Variants in NR6A1 observed in about 807,000 individuals in gnomAD.
The protein encoded by NR6A1 is retinoic acid receptor-related testis-associated receptor.
Under a neutral mutation model 59.1 loss-of-function variants are expected in NR6A1, and 7 were observed. The ratio of observed to expected loss-of-function variants is 0.12; its 90% CI spans 0.07 to 0.22. The LOEUF is 0.22. Among genes scored for constraint, NR6A1 ranks in the 10% least tolerant of loss-of-function variants. NR6A1 has a pLI of 1.00. For synonymous variants in NR6A1, 243 were observed against 236.1 expected (o/e 1.03, Z -0.27); for missense variants, 468 against 611.6 (o/e 0.77, Z 2.48).
Position 124,522,428 on chromosome 9 carries a change from T to C in NR6A1, c.*277A>G. 1 of 266,222 alleles carries C rather than the reference T, an allele frequency of 3.8e-6. No homozygotes were observed. The highest frequency in any genetic ancestry group is 7.5e-6 in the Non-Finnish European group (1 of 133,780). The allele number at this position is 266,222 out of a possible 1,614,324, so 16.5% of individuals were successfully genotyped here. On this transcript the variant is annotated 3_prime_UTR_variant, in exon 10 of 10. Transcript: ENST00000487099. ...TGACAACACTGTAACATTAAACATC[T>C]TCACATTCTGTAAACTGTAAGAAAA...
chr9:124,711,261 G>A (rs1179098053), intron 2 of NR6A1, among the ~76,000 whole-genome samples: 1 of 148,794 alleles, frequency 6.7e-6, no homozygotes, highest in Non-Finnish European at 1.5e-5. Context: ...AGCCTGCCAG[G>A]TCACACTGTT....
At chr9:124,643,588 G>A (rs1450339201) in intron 2 of NR6A1, among the ~76,000 whole-genome samples, 4 of 147,880 alleles carry the variant, frequency 2.7e-5, no homozygotes, top group Admixed American at 6.8e-5. Context: ...GCAACAGAGC[G>A]AGACCCAATC....
At chr9:124,569,828 T>C (rs1834386577) in intron 2 of NR6A1, among the ~76,000 whole-genome samples, 1 of 152,228 alleles carries the variant, frequency 6.6e-6, no homozygotes, top group Non-Finnish European at 1.5e-5. Context: ...CACATACTAC[T>C]ATAAAATTCC....
chr9:124,531,574 C>T (rs1281468572), intron 7 of NR6A1, among the ~76,000 whole-genome samples: 4 of 152,098 alleles, frequency 2.6e-5, no homozygotes, highest in East Asian at 1.9e-4. Context: ...TCTAGCAGAG[C>T]GGTTACTGCT....
At chr9:124,755,522 G>C (rs928461296) in intron 1 of NR6A1, among the ~76,000 whole-genome samples, 1 of 151,960 alleles carries the variant, frequency 6.6e-6, no homozygotes, top group Non-Finnish European at 1.5e-5. Context: ...GACTCTTCAG[G>C]GATTTATCAC....
chr9:124,673,792 A>G (rs969364782), intron 2 of NR6A1, among the ~76,000 whole-genome samples: 1 of 152,194 alleles, frequency 6.6e-6, no homozygotes, highest in Non-Finnish European at 1.5e-5. Flanking sequence ...AAATTTCTCT[A>G]TTGTGAGCGC....
intron 2 of NR6A1, among the ~76,000 whole-genome samples, chr9:124,583,003 T>C (rs927276121): frequency 6.6e-6 from 1 of 152,196 alleles, no homozygotes; most frequent in Non-Finnish European, 1.5e-5. Flanking sequence ...TGTATGCTAA[T>C]TGTACAATGA....
chr9:124,628,183 A>T (rs1252583792), intron 2 of NR6A1, among the ~76,000 whole-genome samples: 1 of 151,914 alleles, frequency 6.6e-6, no homozygotes, highest in Non-Finnish European at 1.5e-5. Flanking sequence ...GCACGCCACC[A>T]CACCCAGGTA....
At chr9:124,550,220 A>G (rs2131376265) in intron 3 of NR6A1, among the ~76,000 whole-genome samples, 1 of 152,294 alleles carries the variant, frequency 6.6e-6, no homozygotes, top group Non-Finnish European at 1.5e-5. Context: ...GTCTGTCAGA[A>G]TTCTCTAAAT....
rs10986363 is a variant in NR6A1 at position 124,557,196 on chromosome 9, T to G, written c.143-2626A>C. Among the ~76,000 whole-genome samples the G allele has an allele frequency of 9.0e-4, 137 of 152,288 alleles. 3 individuals carry two copies. The East Asian group carries it at 0.02, about 22-fold the overall frequency. On this transcript the variant is annotated intron_variant, in intron 2 of 9. Coordinates refer to ENST00000487099, the MANE Select transcript of NR6A1 (RefSeq NM_033334.4). The stretch of plus-strand genomic sequence containing the variant: ...CAGGCTGGAGTGCAGTAGCGCGATC[T>G]TGGCTCACTGCAACCTCTGCCTCCC...
intron 2 of NR6A1, chr9:124,599,449 C>G: frequency 2.4e-6 from 1 of 420,400 alleles, no homozygotes; most frequent in Non-Finnish European, 4.6e-6. Flanking sequence ...TCCTCTTCAT[C>G]TTCCTCCAGC....
chr9:124,644,803 C>T (rs770863400), intron 2 of NR6A1, among the ~76,000 whole-genome samples: 2 of 152,124 alleles, frequency 1.3e-5, no homozygotes, highest in African/African-American at 2.4e-5. Context: ...CCCCAAGGAC[C>T]CTCCAAGCAC....
intron 2 of NR6A1, among the ~76,000 whole-genome samples, chr9:124,650,389 G>T (rs1396880594): frequency 6.6e-6 from 1 of 152,124 alleles, no homozygotes; most frequent in Non-Finnish European, 1.5e-5. Context: ...AAAAACAACT[G>T]ATCTCATGGA....
chr9:124,680,479 C>CA lies in NR6A1; in HGVS notation c.142+52828dup, dbSNP rs1279661090. Among the ~76,000 whole-genome samples, 6 of 151,454 alleles carry CA rather than the reference C, an allele frequency of 4.0e-5. No individual in the cohort carries two copies. In the South Asian group the frequency reaches 8.3e-4, roughly 21 times the overall value. On this transcript the variant is annotated intron_variant, in intron 2 of 9. Coordinates refer to ENST00000487099, the MANE Select transcript of NR6A1 (RefSeq NM_033334.4). ...ATAGTGTTTACAGTATGAACACACA[C>CA]AAAAAAAACGGAGTGTACAAAGTAC...
At chr9:124,597,728 C>T (rs1024719385) in intron 2 of NR6A1, among the ~76,000 whole-genome samples, 20 of 152,190 alleles carry the variant, frequency 1.3e-4, no homozygotes, top group African/African-American at 3.4e-4. Flanking sequence ...ATTTCTTCAG[C>T]ATTCTCAGTC....
intron 1 of NR6A1, among the ~76,000 whole-genome samples, chr9:124,754,461 G>T (rs1054118298): frequency 6.6e-6 from 1 of 152,182 alleles, no homozygotes; most frequent in Non-Finnish European, 1.5e-5. Flanking sequence ...GCATTTTTAA[G>T]ATGTTCAATT....
At chr9:124,584,872 G>A (rs1029012556) in intron 2 of NR6A1, among the ~76,000 whole-genome samples, 11 of 152,284 alleles carry the variant, frequency 7.2e-5, no homozygotes, top group African/African-American at 2.2e-4. Flanking sequence ...AGGAAGGCAC[G>A]TCAAAAGCAA....
rs769078415 is a variant in NR6A1, at chr9:124,535,904, G to A, written c.1053C>T (p.Tyr351=). 5 of 1,614,118 alleles carry A rather than the reference G, an allele frequency of 3.1e-6. No individual in the cohort carries two copies. The Admixed American group carries it at 6.7e-5, about 22-fold the overall frequency. ...FGELADVTAK[Y]SPSDEELHRF... is the part of the protein sequence containing the mutation. ...TGTGTAGTTCTTCATCGGAGGGCGAGTACTTGGCAGTGACATCAGCCAGTT... is the reference window on the plus strand; with the variant it reads ...TGTGTAGTTCTTCATCGGAGGGCGAATACTTGGCAGTGACATCAGCCAGTT... The change falls in exon 7 of 10, where the codon TAC becomes TAT. Residue 351 remains tyrosine (Y), a synonymous_variant. Transcript: ENST00000487099.
intron 1 of NR6A1, among the ~76,000 whole-genome samples, chr9:124,748,139 T>C (rs1404134844): frequency 3.3e-5 from 5 of 152,198 alleles, no homozygotes; most frequent in Non-Finnish European, 4.4e-5. Flanking sequence ...TATTAAGATA[T>C]CAATAAAGTG....
Sources: allele counts gnomAD v4.1 joint callset (sites outside exome capture counted in the v4.1 genomes callset), GRCh38; gene constraint gnomAD v4.1.1; transcripts MANE v1.5; gene names NCBI Gene and HGNC (gene_info 2026-07-23, HGNC 2026-07-21).